The following ZSCAN5A variants were observed in gnomAD, a reference collection of about 807,000 sequenced individuals.
ZSCAN5A encodes the protein zinc finger and SCAN domain containing 5A, also known as zinc finger and SCAN domain-containing protein 5A.
ZSCAN5A carries 12 observed loss-of-function variants against 23.7 expected under a neutral mutation model. The ratio of observed to expected loss-of-function variants is 0.51; its 90% CI spans 0.32 to 0.82. ZSCAN5A has a LOEUF of 0.82. Ranked by LOEUF, ZSCAN5A falls within the 40% of genes least tolerant of loss-of-function variation. The pLI, the probability that ZSCAN5A is intolerant of heterozygous loss-of-function variation, is 0.03. For missense variants in ZSCAN5A, 597 were observed against 617.9 expected, an observed-to-expected ratio of 0.97 and a Z score of 0.36; for synonymous variants, 257 against 239.9, an observed-to-expected ratio of 1.07 and a Z score of -0.66.
chr19:56,268,810 A>G (rs2146933460), intron 2 of ZSCAN5A, among the ~76,000 whole-genome samples: 1 of 152,326 alleles, frequency 6.6e-6, no homozygotes, highest in Admixed American at 6.5e-5. Context: ...AGTCCCCGAC[A>G]ACCACTATCT....
chr19:56,270,216 G>A (rs1300219180), intron 2 of ZSCAN5A, among the ~76,000 whole-genome samples: 1 of 151,374 alleles, frequency 6.6e-6, no homozygotes, highest in Non-Finnish European at 1.5e-5. Context: ...TCAGGAGTTC[G>A]AGACCAGCCT....
intron 2 of ZSCAN5A, chr19:56,297,539 C>T (rs2039959061): frequency 9.1e-6 from 9 of 984,540 alleles, no homozygotes; most frequent in South Asian, 4.7e-5. Flanking sequence ...AAGGTAAGTG[C>T]TTGGGGTCGT....
At chr19:56,339,324 G>A (rs2041571737) in intron 2 of ZSCAN5A, among the ~76,000 whole-genome samples, 1 of 151,752 alleles carries the variant, frequency 6.6e-6, no homozygotes, top group South Asian at 2.1e-4. Flanking sequence ...AGCAATATGT[G>A]AAGGAGCGGC....
chr19:56,292,021 T>G (rs1169264837), intron 2 of ZSCAN5A, among the ~76,000 whole-genome samples: 1 of 152,168 alleles, frequency 6.6e-6, no homozygotes, highest in Non-Finnish European at 1.5e-5. Flanking sequence ...GTATAAAGGT[T>G]AGGTAACTAG....
intron 2 of ZSCAN5A, among the ~76,000 whole-genome samples, chr19:56,238,805 C>A (rs1034215484): frequency 1.3e-5 from 2 of 148,854 alleles, no homozygotes; most frequent in African/African-American, 4.9e-5. Flanking sequence ...TAATAGAGAT[C>A]TATAGATCCA....
At chr19:56,303,289 T>C (rs1568728480) in intron 2 of ZSCAN5A, among the ~76,000 whole-genome samples, 1 of 151,634 alleles carries the variant, frequency 6.6e-6, no homozygotes, top group East Asian at 1.9e-4. Context: ...ACCAGCCTGG[T>C]CAACATGGTG....
intron 2 of ZSCAN5A, among the ~76,000 whole-genome samples, chr19:56,308,342 G>A (rs544835980): frequency 8.4e-6 from 1 of 119,402 alleles, no homozygotes; most frequent in Admixed American, 7.9e-5. Context: ...TTTTTTTTTT[G>A]AGATGGAGGC....
At chr19:56,343,691 C>T (rs1013484991) in intron 2 of ZSCAN5A, among the ~76,000 whole-genome samples, 1 of 152,260 alleles carries the variant, frequency 6.6e-6, no homozygotes, top group Non-Finnish European at 1.5e-5. Flanking sequence ...CACTGCCTGA[C>T]TTCCACAGGC....
intron 2 of ZSCAN5A, chr19:56,347,906 T>G (rs1389339803): frequency 1.3e-5 from 2 of 152,280 alleles, no homozygotes; most frequent in African/African-American, 4.8e-5. Context: ...CTTTGCAGGC[T>G]TGCAACATCC....
At chr19:56,336,923 T>C (rs980425922) in intron 2 of ZSCAN5A, among the ~76,000 whole-genome samples, 6 of 152,232 alleles carry the variant, frequency 3.9e-5, no homozygotes, top group Admixed American at 6.5e-5. Flanking sequence ...CAAATGCTGC[T>C]GCCTGATCAT....
At position 56,225,172 on chromosome 19, in the gene ZSCAN5A, G is replaced by A; in HGVS notation, c.-126C>T. The A allele has an allele frequency of 1.4e-6, 2 of 1,382,014 alleles. No individual in the cohort carries two copies. The highest frequency in any genetic ancestry group is 1.9e-6 in the Non-Finnish European group (2 of 1,077,330). 85.6% of individuals were successfully genotyped at this position (1,382,014 alleles called of 1,614,324 possible). A position where few individuals can be genotyped will look rare whatever the true frequency, so the allele number is the denominator to read the frequency against. Reference sequence around the variant, plus strand: ...TAATAGATTCACTGTTCATTCAGAAGTCTGGGGGGGAAAAGTATGAGCCTC... The same window carrying A: ...TAATAGATTCACTGTTCATTCAGAAATCTGGGGGGGAAAAGTATGAGCCTC... On this transcript the variant is annotated splice_region_variant and 5_prime_UTR_variant, in exon 3 of 6. Transcript: ENST00000683990.
chr19:56,248,442 TAG>T (rs1010245917), intron 2 of ZSCAN5A, among the ~76,000 whole-genome samples: 31 of 152,042 alleles, frequency 2.0e-4, no homozygotes, highest in Admixed American at 5.9e-4. Context: ...TATTTTTTTG[TAG>T]AGAGGGGTTT....
chr19:56,312,206 T>A (rs1207220068), intron 2 of ZSCAN5A: 1 of 152,224 alleles, frequency 6.6e-6, no homozygotes, highest in Non-Finnish European at 1.5e-5. Context: ...CTAAAATTGA[T>A]CTGCAATTAT....
chr19:56,348,372 C>T (rs1188929063), intron 2 of ZSCAN5A, among the ~76,000 whole-genome samples: 1 of 152,162 alleles, frequency 6.6e-6, no homozygotes, highest in Non-Finnish European at 1.5e-5. Flanking sequence ...GTCATGATAG[C>T]TCTACTAGTC....
At chr19:56,243,029 T>C (rs2035553635) in intron 2 of ZSCAN5A, among the ~76,000 whole-genome samples, 1 of 152,206 alleles carries the variant, frequency 6.6e-6, no homozygotes, top group Admixed American at 6.5e-5. Context: ...TCCTCCCGTC[T>C]TGGCCTCCCA....
At chr19:56,249,204 G>A (rs1291854522) in intron 2 of ZSCAN5A, among the ~76,000 whole-genome samples, 1 of 152,162 alleles carries the variant, frequency 6.6e-6, no homozygotes, top group Non-Finnish European at 1.5e-5. Context: ...AAAAGGGTGG[G>A]CCCTGATCCC....
rs1049758610 is a variant in ZSCAN5A at position 56,226,049 on chromosome 19, G to A, written c.-127-876C>T. On this transcript the variant is annotated intron_variant, in intron 2 of 5. Coordinates refer to ENST00000683990, the MANE Select transcript of ZSCAN5A (RefSeq NM_001322064.3). ...CTTCATTAGGCAGGAGCCACTGAGT[G>A]ATACTCTCCAGGCATCAATTATCGT... is the stretch of plus-strand genomic sequence containing the variant. Among the ~76,000 whole-genome samples the A allele has an allele frequency of 3.7e-4, 57 of 152,256 alleles. 1 individual carries two copies. The highest frequency in any genetic ancestry group is 1.3e-3 in the African/African-American group (56 of 41,562).
chr19:56,338,523 A>G (rs2041562455), intron 2 of ZSCAN5A: 1 of 152,264 alleles, frequency 6.6e-6, no homozygotes, highest in African/African-American at 2.4e-5. Context: ...ATTTGGTTTC[A>G]TTGAAGATGT....
In ZSCAN5A at chr19:56,222,185, A is replaced by C. The variant is rs2033298892; in HGVS notation, c.881T>G (p.Leu294Arg). The C allele has an allele frequency of 4.3e-6, 7 of 1,613,932 alleles. No homozygotes were observed. The highest frequency in any genetic ancestry group is 5.1e-6 in the Non-Finnish European group (6 of 1,180,006). ...HSGNRGDALN[L>R]SSPKRSKPDA... ...TGGTTTGCTTCTTTTGGGACTGCTCAGATTCAGAGCGTCTCCTCTGTTCCC... is the reference window on the plus strand; with the variant it reads ...TGGTTTGCTTCTTTTGGGACTGCTCCGATTCAGAGCGTCTCCTCTGTTCCC... Residue 294 changes from leucine to arginine, a missense_variant, in exon 6 of 6, where the codon CTG (leucine) becomes CGG (arginine). Physicochemically the swap from Leu to Arg is moderately radical, Grantham distance 102 (BLOSUM62 -2). This residue lies in a region of ZSCAN5A where 406 missense variants were observed against 353.2 expected (regional missense o/e 1.15). Transcript: ENST00000683990.
Sources: gnomAD v4.1 joint callset for allele counts (sites outside exome capture counted in the v4.1 genomes callset) on GRCh38, gnomAD v4.1.1 for gene constraint, gnomAD v4.1.1 regional missense constraint, MANE v1.5 for transcripts, NCBI Gene and HGNC (gene_info 2026-07-23, HGNC 2026-07-21) for gene names.